Variants in ANK3 observed in about 807,000 individuals in gnomAD.
ANK3 encodes ankyrin-3.
ANK3 carries 57 observed loss-of-function variants against 370.9 expected under a neutral mutation model. That is an observed-to-expected ratio of 0.15 (90% CI 0.12 to 0.19). The LOEUF is 0.19. Ranked by LOEUF, ANK3 falls within the 10% of genes least tolerant of loss-of-function variation. The probability of loss-of-function intolerance (pLI) is 1.00; values close to 1 mark genes in which losing one functional copy is unlikely to be tolerated. For missense variants in ANK3, 4,439 were observed against 5,302.1 expected (o/e 0.84, Z 5.06); for synonymous variants, 1,929 against 1,946.3 (o/e 0.99, Z 0.23).
At chr10:60,039,992 C>G (rs2075810606) in intron 43 of ANK3, among the ~76,000 whole-genome samples, 1 of 152,214 alleles carries the variant, frequency 6.6e-6, no homozygotes, top group Non-Finnish European at 1.5e-5. Context: ...ATATCCTCAT[C>G]TGTAAAAGGT....
At chr10:60,721,281 A>G (rs1398446432) in intron 1 of ANK3, among the ~76,000 whole-genome samples, 1 of 152,212 alleles carries the variant, frequency 6.6e-6, no homozygotes, top group Admixed American at 6.5e-5. Flanking sequence ...AAGATTTTCC[A>G]GGAAGAGAAA....
intron 2 of ANK3, among the ~76,000 whole-genome samples, chr10:60,463,254 A>G (rs956203621): frequency 6.6e-5 from 10 of 152,200 alleles, no homozygotes; most frequent in Non-Finnish European, 1.3e-4. Flanking sequence ...GACTTGTTCC[A>G]TAAGTTTTCT....
intron 28 of ANK3, among the ~76,000 whole-genome samples, chr10:60,102,775 T>C (rs1228577774): frequency 1.3e-5 from 2 of 152,152 alleles, no homozygotes; most frequent in African/African-American, 4.8e-5. Context: ...CAGGACTGGT[T>C]ATAAAAGTGG....
intron 16 of ANK3, among the ~76,000 whole-genome samples, chr10:60,189,371 A>C (rs2096423963): frequency 6.6e-6 from 1 of 152,184 alleles, no homozygotes; most frequent in Non-Finnish European, 1.5e-5. Context: ...GGAGAGACAG[A>C]GACAGAGAGA....
At chr10:60,165,578 GAA>G (rs2095604450) in intron 23 of ANK3, among the ~76,000 whole-genome samples, 1 of 152,162 alleles carries the variant, frequency 6.6e-6, no homozygotes, top group Non-Finnish European at 1.5e-5. Context: ...ATTGGATAAC[GAA>G]AAGATTAAAG....
chr10:60,172,310 T>A lies in ANK3; in HGVS notation c.2476A>T (p.Thr826Ser). ...AAGGTTCTGCATTCCTTACTTACAGTTGTGGTCATGGTCTCTTCGGTCACT... is the reference window on the plus strand; with the variant it reads ...AAGGTTCTGCATTCCTTACTTACAGATGTGGTCATGGTCTCTTCGGTCACT... The part of the protein sequence containing the change: ...KIVTEETMTT[T>S]TVTEKHKMNV... Residue 826 changes from threonine to serine, a missense_variant and splice_region_variant, in exon 21 of 44, where the codon ACT becomes TCT. By Grantham distance (58) the Thr-to-Ser change is moderately conservative (BLOSUM62 1). Coordinates refer to ENST00000280772, the MANE Select transcript of ANK3 (RefSeq NM_020987.5). 1 of 1,613,186 alleles carries A rather than the reference T, an allele frequency of 6.2e-7. No individual in the cohort carries two copies. The highest frequency in any genetic ancestry group is 8.5e-7 in the Non-Finnish European group (1 of 1,179,258).
chr10:60,340,500 C>T (rs960973193), intron 1 of ANK3, among the ~76,000 whole-genome samples: 3 of 152,128 alleles, frequency 2.0e-5, no homozygotes, highest in African/African-American at 4.8e-5. Context: ...CAATCTCTTC[C>T]TCCCGGGTTC....
intron 1 of ANK3, among the ~76,000 whole-genome samples, chr10:60,299,542 T>A (rs1490541788): frequency 6.6e-6 from 1 of 152,168 alleles, no homozygotes; most frequent in Non-Finnish European, 1.5e-5. Flanking sequence ...CTGTGTAACA[T>A]CACACAGTTA....
At position 60,069,335 on chromosome 10, in the gene ANK3, T is replaced by C. The variant is rs1266711753; in HGVS notation, c.11546A>G (p.Glu3849Gly). ...CVRDKQKVLGEQQKTKELIGI... is the reference protein window; with the variant it reads ...CVRDKQKVLGGQQKTKELIGI... ...TATCAATTCCTTTGTTTTTTGCTGT[T>C]CTCCAAGAACTTTCTGCTTATCTCT... is the stretch of plus-strand genomic sequence containing the variant. The change falls in exon 37 of 44, where the codon GAA becomes GGA. Residue 3849 changes from glutamate (E) to glycine (G), a missense_variant. Glu to Gly is a moderately conservative substitution (Grantham distance 98). Coordinates refer to ENST00000280772, the MANE Select transcript of ANK3 (RefSeq NM_020987.5). The C allele has an allele frequency of 1.2e-6, 2 of 1,614,142 alleles. No homozygotes were observed. The highest frequency in any genetic ancestry group is 2.2e-5 in the South Asian group (2 of 91,076).
intron 1 of ANK3, among the ~76,000 whole-genome samples, chr10:60,640,209 A>C (rs529072693): frequency 6.6e-6 from 1 of 151,498 alleles, no homozygotes; most frequent in South Asian, 2.1e-4. Context: ...TACGAGAGGT[A>C]CAAGGAGGAA....
At chr10:60,031,553 T>C (rs915381042) in intron 43 of ANK3, among the ~76,000 whole-genome samples, 1 of 152,228 alleles carries the variant, frequency 6.6e-6, no homozygotes, top group South Asian at 2.1e-4. Context: ...ACAGCTCCTA[T>C]AGAAATCCTG....
intron 4 of ANK3, among the ~76,000 whole-genome samples, chr10:60,275,952 T>C (rs1224077663): frequency 6.6e-6 from 1 of 152,188 alleles, no homozygotes; most frequent in Non-Finnish European, 1.5e-5. Flanking sequence ...ATATAAAGTA[T>C]TAAGGACTTA....
upstream of ANK3, among the ~76,000 whole-genome samples, chr10:60,391,269 G>A (rs575442847): frequency 2.0e-5 from 3 of 152,246 alleles, no homozygotes; most frequent in Admixed American, 2.0e-4. Context: ...ATGCTCACAT[G>A]CTTGACTTCC....
chr10:60,103,617 T>C (rs554477805), intron 28 of ANK3, among the ~76,000 whole-genome samples: 1 of 152,290 alleles, frequency 6.6e-6, no homozygotes, highest in South Asian at 2.1e-4. Context: ...TGAGCTTCAA[T>C]TATAAAATGT....
chr10:60,258,227 C>A (rs1357914877), intron 7 of ANK3, among the ~76,000 whole-genome samples: 1 of 152,234 alleles, frequency 6.6e-6, no homozygotes, highest in Non-Finnish European at 1.5e-5. Context: ...GCCATCTCAG[C>A]AGACTCAGTT....
intron 1 of ANK3, among the ~76,000 whole-genome samples, chr10:60,329,895 G>GTTA (rs1374291560): frequency 6.6e-6 from 1 of 152,108 alleles, no homozygotes; most frequent in African/African-American, 2.4e-5. Context: ...ATACTACAAG[G>GTTA]CTACAGTAAC....
At chr10:60,392,667 G>A (rs2063136476), upstream of ANK3, among the ~76,000 whole-genome samples, 2 of 152,182 alleles carry the variant, frequency 1.3e-5, no homozygotes, top group African/African-American at 4.8e-5. Context: ...GGTGGCTCAT[G>A]CCTATAATCC....
At chr10:60,437,560 C>A (rs984746451) in intron 2 of ANK3, among the ~76,000 whole-genome samples, 1 of 152,102 alleles carries the variant, frequency 6.6e-6, no homozygotes, top group African/African-American at 2.4e-5. Flanking sequence ...ATAACTATTG[C>A]TAAATAAAGG....
At chr10:60,517,189 T>C (rs1263909199) in intron 2 of ANK3, among the ~76,000 whole-genome samples, 1 of 152,102 alleles carries the variant, frequency 6.6e-6, no homozygotes, top group African/African-American at 2.4e-5. Flanking sequence ...CTCAGCCTCC[T>C]GAGTAGCTGG....
Sources: allele counts gnomAD v4.1 joint callset (sites outside exome capture counted in the v4.1 genomes callset), GRCh38; gene constraint gnomAD v4.1.1; transcripts MANE v1.5; gene names NCBI Gene and HGNC (gene_info 2026-07-23, HGNC 2026-07-21).